DPYD: variants seen among roughly 807,000 people sequenced by gnomAD.
DPYD encodes the protein dihydropyrimidine dehydrogenase [NADP(+)].
In DPYD, 109 loss-of-function variants were observed where a neutral mutation model predicts 116.2. The ratio of observed to expected loss-of-function variants is 0.94; its 90% CI spans 0.80 to 1.10. The LOEUF is 1.10. Among genes scored for constraint, DPYD ranks in the 50% least tolerant of loss-of-function variants. The probability of loss-of-function intolerance (pLI) is 0.00; values close to 1 mark genes in which losing one functional copy is unlikely to be tolerated. For synonymous variants in DPYD, 440 were observed against 432.0 expected, an observed-to-expected ratio of 1.02 and a Z score of -0.23; for missense variants, 1,302 against 1,254.5, an observed-to-expected ratio of 1.04 and a Z score of -0.57.
In DPYD at chr1:97,399,002, T is replaced by C. The variant is rs571686546; in HGVS notation, c.1906-16541A>G. Among the ~76,000 whole-genome samples, 23 of 152,348 alleles carry C rather than the reference T, an allele frequency of 1.5e-4. No homozygotes were observed. In the East Asian group the frequency reaches 4.1e-3, roughly 27 times the overall value. ...TTTGTTGCCATTGCTTTTGGTGTTTTAGACATGAAGTCCTTGTCCATGCCT... is the reference window on the plus strand; with the variant it reads ...TTTGTTGCCATTGCTTTTGGTGTTTCAGACATGAAGTCCTTGTCCATGCCT... On this transcript the variant is annotated intron_variant, in intron 14 of 22. Transcript: ENST00000370192.
chr1:97,568,640 C>T (rs1360958878), intron 11 of DPYD, among the ~76,000 whole-genome samples: 2 of 151,870 alleles, frequency 1.3e-5, no homozygotes, highest in Non-Finnish European at 2.9e-5. Context: ...ACAATTTATG[C>T]CACAACAAAG....
chr1:97,919,873 A>C (rs1441339594), intron 1 of DPYD, among the ~76,000 whole-genome samples: 2 of 152,150 alleles, frequency 1.3e-5, no homozygotes, highest in African/African-American at 4.8e-5. Context: ...CCAGAATATA[A>C]AGTTTCTTCA....
chr1:97,577,239 C>A (rs932015586), intron 10 of DPYD, among the ~76,000 whole-genome samples: 1 of 152,140 alleles, frequency 6.6e-6, no homozygotes. Flanking sequence ...CCCTGCAGCA[C>A]CCCCGTTTCT....
chr1:97,413,513 G>C (rs1269079490), intron 14 of DPYD, among the ~76,000 whole-genome samples: 1 of 152,072 alleles, frequency 6.6e-6, no homozygotes, highest in East Asian at 1.9e-4. Flanking sequence ...ACCCAGGCTG[G>C]AGTGCAGTGG....
chr1:97,208,442 G>A (rs1053707517), intron 19 of DPYD, among the ~76,000 whole-genome samples: 8 of 151,604 alleles, frequency 5.3e-5, no homozygotes, highest in East Asian at 2.0e-4. Flanking sequence ...ATGCCACCAT[G>A]CTTGGCTAAT....
At chr1:97,502,487 T>C (rs1440270202) in intron 13 of DPYD, among the ~76,000 whole-genome samples, 1 of 151,946 alleles carries the variant, frequency 6.6e-6, no homozygotes, top group African/African-American at 2.4e-5. Context: ...TGACATGATT[T>C]GTACAAAGAT....
At chr1:97,102,417 A>ATG (rs1553213361) in intron 20 of DPYD, among the ~76,000 whole-genome samples, 1 of 142,886 alleles carries the variant, frequency 7.0e-6, no homozygotes, top group African/African-American at 2.5e-5. Context: ...ATATATATAT[A>ATG]TATGTATATA....
chr1:97,359,165 T>C (rs749162361), intron 16 of DPYD, among the ~76,000 whole-genome samples: 3 of 151,944 alleles, frequency 2.0e-5, no homozygotes, highest in Non-Finnish European at 2.9e-5. Context: ...ACGTGACACA[T>C]GCACAAGCTT....
At chr1:97,145,009 G>A (rs1380972209) in intron 20 of DPYD, among the ~76,000 whole-genome samples, 3 of 152,086 alleles carry the variant, frequency 2.0e-5, no homozygotes, top group Admixed American at 6.6e-5. Flanking sequence ...TGGTGGTGGT[G>A]GTGCTGGGGC....
At chr1:97,376,199 C>A (rs768160387) in intron 15 of DPYD, among the ~76,000 whole-genome samples, 1 of 152,160 alleles carries the variant, frequency 6.6e-6, no homozygotes, top group African/African-American at 2.4e-5. Flanking sequence ...GGGTCTTGAA[C>A]TCAAGCATTT....
chr1:97,305,098 CT>C lies in DPYD; in HGVS notation c.2299+160del, dbSNP rs553432097. On this transcript the variant is annotated intron_variant, in intron 18 of 22. Transcript: ENST00000370192. ...CTCTCATCCTGTGCTGTCACTTGAG[CT>C]TTCATATTCAATCCGTTCTGTCATA... Among the ~76,000 whole-genome samples, 114 of 151,994 alleles carry C rather than the reference CT, an allele frequency of 7.5e-4. 3 individuals are homozygous for C. Among genetic ancestry groups the C allele is most frequent in the Non-Finnish European group, 7.4e-4 (50 of 67,916 alleles).
intron 3 of DPYD, among the ~76,000 whole-genome samples, chr1:97,824,103 T>C (rs1036537578): frequency 2.0e-5 from 3 of 152,148 alleles, no homozygotes; most frequent in African/African-American, 4.8e-5. Context: ...TTGAATACAA[T>C]CACATTAAAA....
At chr1:97,124,465 G>A (rs2101652313) in intron 20 of DPYD, among the ~76,000 whole-genome samples, 1 of 152,148 alleles carries the variant, frequency 6.6e-6, no homozygotes, top group Non-Finnish European at 1.5e-5. Flanking sequence ...ACAGTTCAAG[G>A]AAACAAAAGG....
chr1:97,834,906 TA>T (rs1336378469), intron 2 of DPYD, among the ~76,000 whole-genome samples: 1 of 152,192 alleles, frequency 6.6e-6, no homozygotes, highest in East Asian at 1.9e-4. Flanking sequence ...ACTATATTCA[TA>T]TTTTTTTAAT....
chr1:97,801,431 T>C (rs1446890561), intron 3 of DPYD, among the ~76,000 whole-genome samples: 2 of 151,894 alleles, frequency 1.3e-5, no homozygotes, highest in Admixed American at 6.6e-5. Flanking sequence ...CTTATGTCAC[T>C]AATTATGGCC....
intron 13 of DPYD, among the ~76,000 whole-genome samples, chr1:97,459,039 G>C (rs1676864689): frequency 2.0e-5 from 3 of 151,342 alleles, no homozygotes; most frequent in African/African-American, 4.9e-5. Context: ...GTATATAATG[G>C]GATTATCAGA....
intron 14 of DPYD, among the ~76,000 whole-genome samples, chr1:97,443,947 C>G (rs1675939576): frequency 1.3e-5 from 2 of 152,182 alleles, no homozygotes; most frequent in Admixed American, 1.3e-4. Flanking sequence ...GCTTGCAGGA[C>G]ACCTAAATTT....
At chr1:97,695,177 T>C (rs537328189) in intron 6 of DPYD, among the ~76,000 whole-genome samples, 4 of 152,278 alleles carry the variant, frequency 2.6e-5, no homozygotes, top group African/African-American at 9.6e-5. Flanking sequence ...ACTTCAATTC[T>C]GTCATTTTGT....
intron 16 of DPYD, among the ~76,000 whole-genome samples, chr1:97,364,942 A>G (rs1296619122): frequency 2.6e-5 from 4 of 152,204 alleles, no homozygotes; most frequent in Non-Finnish European, 1.5e-5. Flanking sequence ...AACTGACTGC[A>G]CCATAAAAGA....
Sources: gnomAD v4.1 joint callset for allele counts (sites outside exome capture counted in the v4.1 genomes callset) on GRCh38, gnomAD v4.1.1 for gene constraint, MANE v1.5 for transcripts, NCBI Gene and HGNC (gene_info 2026-07-23, HGNC 2026-07-21) for gene names.